CPLX1: variants seen among roughly 807,000 people sequenced by gnomAD.
CPLX1 encodes complexin-1.
A neutral mutation model predicts 15.6 loss-of-function variants in CPLX1; 6 were observed. The ratio of observed to expected loss-of-function variants is 0.39; its 90% CI spans 0.21 to 0.76. The LOEUF (loss-of-function observed/expected upper bound fraction) is 0.76. Ranked by LOEUF, CPLX1 falls within the 30% of genes least tolerant of loss-of-function variation. The probability of loss-of-function intolerance (pLI) is 0.43; values close to 1 mark genes in which losing one functional copy is unlikely to be tolerated. For missense variants in CPLX1, 242 were observed against 188.6 expected (o/e 1.28, Z -1.66); for synonymous variants, 91 against 75.2 (o/e 1.21, Z -1.08).
chr4:812,773 A>G (rs1037742099), intron 2 of CPLX1, among the ~76,000 whole-genome samples: 3 of 151,968 alleles, frequency 2.0e-5, no homozygotes, highest in African/African-American at 7.3e-5. Context: ...GGGTGTCCTA[A>G]CACTGAGCAT....
intron 2 of CPLX1, among the ~76,000 whole-genome samples, chr4:808,082 A>G (rs890543118): frequency 6.6e-6 from 1 of 152,092 alleles, no homozygotes. Context: ...TCTGGGTAAC[A>G]TGGCAAAACC....
intron 2 of CPLX1, among the ~76,000 whole-genome samples, chr4:799,783 A>C (rs541405488): frequency 6.6e-6 from 1 of 152,318 alleles, no homozygotes; most frequent in East Asian, 1.9e-4. Flanking sequence ...GAATTGCTTG[A>C]ACCCAGGAGG....
chr4:807,686 G>A (rs1396610925), intron 2 of CPLX1, among the ~76,000 whole-genome samples: 1 of 152,030 alleles, frequency 6.6e-6, no homozygotes, highest in Non-Finnish European at 1.5e-5. Flanking sequence ...TTTTCACCAT[G>A]TTGGTCAGGC....
Position 786,707 on chromosome 4 carries a change from G to T in CPLX1, c.208-9C>A. 2 of 1,585,498 alleles carry T rather than the reference G, an allele frequency of 1.3e-6. No individual in the cohort carries two copies. Among genetic ancestry groups the T allele is most frequent in the African/African-American group, 1.4e-5 (1 of 73,772 alleles). ...TTCTTCTTGATGCCGTACTGCGGGGGAGGCGGGGGTCAGGGCGGGGGTCCC... is the reference window on the plus strand; with the variant it reads ...TTCTTCTTGATGCCGTACTGCGGGGTAGGCGGGGGTCAGGGCGGGGGTCCC... On this transcript the variant is annotated splice_polypyrimidine_tract_variant and intron_variant, in intron 3 of 3. Transcript: ENST00000304062.
chr4:807,605 G>C (rs1314727639), intron 2 of CPLX1, among the ~76,000 whole-genome samples: 5 of 152,054 alleles, frequency 3.3e-5, no homozygotes, highest in African/African-American at 1.2e-4. Context: ...CTCCCAAGTA[G>C]CTGAGATTAC....
At position 786,357 on chromosome 4, in the gene CPLX1, A is replaced by G. The variant is rs1577465453; in HGVS notation, c.*144T>C. 1.2e-6 allele frequency: 1 copy of G among 838,220 alleles called. No homozygotes were observed. The highest frequency in any genetic ancestry group is 1.7e-6 in the Non-Finnish European group (1 of 598,408). 51.9% of individuals were successfully genotyped at this position (838,220 alleles called of 1,614,324 possible). A position where few individuals can be genotyped will look rare whatever the true frequency, so the allele number is the denominator to read the frequency against. On this transcript the variant is annotated 3_prime_UTR_variant, in exon 4 of 4. Transcript: ENST00000304062. Reference sequence around the variant, plus strand: ...GCGCGCGCCCCTTGCCGGGTGAGGGAGGCGGCGGGCGCGGGCAGGGCGGGC... The same window carrying G: ...GCGCGCGCCCCTTGCCGGGTGAGGGGGGCGGCGGGCGCGGGCAGGGCGGGC...
chr4:824,679 C>T lies in CPLX1; in HGVS notation c.-79-78G>A, dbSNP rs566669822. The stretch of plus-strand genomic sequence containing the variant: ...CTTCCCCAGAGACCATCATTCCTTA[C>T]CCGCAATACCTTGTGGGCTGGACCC... On this transcript the variant is annotated intron_variant, in intron 1 of 3. Transcript: ENST00000304062. The T allele has an allele frequency of 9.1e-5, 73 of 801,850 alleles. No individual in the cohort carries two copies. The African/African-American group carries it at 1.1e-3, about 12-fold the overall frequency. The allele number at this position is 801,850 out of a possible 1,614,324, so 49.7% of individuals were successfully genotyped here. A position where few individuals can be genotyped will look rare whatever the true frequency, so the allele number is the denominator to read the frequency against.
chr4:792,315 A>G, intron 3 of CPLX1, 118 bp downstream of exon 3: 1 of 893,078 alleles, frequency 1.1e-6, no homozygotes, highest in Non-Finnish European at 1.6e-6. Flanking sequence ...CCCAAAGGGT[A>G]GGAGGCCCAG....
chr4:792,438 C>A lies in CPLX1; in HGVS notation c.202G>T (p.Asp68Tyr). 6.3e-7 allele frequency: 1 copy of A among 1,581,844 alleles called. No homozygotes were observed. Among genetic ancestry groups the A allele is most frequent in the South Asian group, 1.1e-5 (1 of 87,864 alleles). The change falls in exon 3 of 4, where the codon GAC becomes TAC. Residue 68 changes from aspartate (D) to tyrosine (Y), a missense_variant. Coordinates refer to ENST00000304062, the MANE Select transcript of CPLX1 (RefSeq NM_006651.4). ...GGGGCCGGCCCGGCGCGCACCTTGT[C>A]TCGGATGCCCTGGCGCACGGCCTCG... is the stretch of plus-strand genomic sequence containing the variant. Reference protein sequence around the residue: ...EREAVRQGIRDKYGIKKKEER... With the variant: ...EREAVRQGIRYKYGIKKKEER...
At chr4:809,595 C>T (rs1044253897) in intron 2 of CPLX1, among the ~76,000 whole-genome samples, 13 of 152,220 alleles carry the variant, frequency 8.5e-5, no homozygotes, top group South Asian at 4.1e-4. Context: ...CAAAGGTAGG[C>T]GTCCTCCGTA....
intron 2 of CPLX1, among the ~76,000 whole-genome samples, chr4:817,090 TCA>T (rs1318543339): frequency 6.6e-6 from 1 of 151,996 alleles, no homozygotes; most frequent in Non-Finnish European, 1.5e-5. Flanking sequence ...AGAGGTTAGA[TCA>T]CATATGTTGG....
In CPLX1 at chr4:785,289, G is replaced by T. The variant is rs7340883; in HGVS notation, c.*1212C>A. The T allele has an allele frequency of 0.15, 22,114 of 151,324 alleles. 1,849 individuals are homozygous for T. Among genetic ancestry groups the T allele is most frequent in the African/African-American group, 0.21 (8,737 of 41,434 alleles). 9.4% of individuals were successfully genotyped at this position (151,324 alleles called of 1,614,324 possible). On this transcript the variant is annotated 3_prime_UTR_variant, in exon 4 of 4. Transcript: ENST00000304062. ...TCGCTGGGGCGCAGAGGGGCGCGGT[G>T]GTCTCTGCCCGGAGGGGCGTCGGTC...
At chr4:809,278 G>A (rs1306261630) in intron 2 of CPLX1, among the ~76,000 whole-genome samples, 3 of 152,260 alleles carry the variant, frequency 2.0e-5, no homozygotes, top group African/African-American at 7.2e-5. Flanking sequence ...ACTCCCCAAG[G>A]CCCCTTCAGC....
chr4:824,412 T>TG, intron 2 of CPLX1, 80 bp downstream of exon 2: 2 of 1,293,114 alleles, frequency 1.5e-6, no homozygotes, highest in South Asian at 1.2e-5. Flanking sequence ...GCTGCTGCGG[T>TG]GGGCCAGATG....
At chr4:819,391 C>G (rs188042490) in intron 2 of CPLX1, among the ~76,000 whole-genome samples, 67 of 152,340 alleles carry the variant, frequency 4.4e-4, no homozygotes, top group African/African-American at 1.6e-3. Flanking sequence ...GTCCTTCCAG[C>G]CTCCCAGAAA....
At chr4:820,160 C>T (rs1746834703) in intron 2 of CPLX1, among the ~76,000 whole-genome samples, 2 of 151,916 alleles carry the variant, frequency 1.3e-5, no homozygotes, top group Admixed American at 6.6e-5. Context: ...CCTCCCGGAC[C>T]CAGCTCAGCC....
At chr4:790,173 G>A (rs899179852) in intron 3 of CPLX1, among the ~76,000 whole-genome samples, 2 of 152,220 alleles carry the variant, frequency 1.3e-5, no homozygotes, top group Non-Finnish European at 2.9e-5. Context: ...GGTCCGGGGG[G>A]ATCCACTTTG....
intron 1 of CPLX1, among the ~76,000 whole-genome samples, chr4:825,157 C>T (rs1746954058): frequency 6.6e-6 from 1 of 152,170 alleles, no homozygotes; most frequent in East Asian, 2.0e-4. Flanking sequence ...CTTCAGGGGG[C>T]TCAGCCTTCA....
At chr4:787,910 C>G (rs893020178) in intron 3 of CPLX1, 1 of 985,266 alleles carries the variant, frequency 1.0e-6, no homozygotes, top group Admixed American at 6.1e-5. Flanking sequence ...GATTGGGGGC[C>G]TGGTGTTGTA....
Sources: allele counts gnomAD v4.1 joint callset (sites outside exome capture counted in the v4.1 genomes callset), GRCh38; gene constraint gnomAD v4.1.1; transcripts MANE v1.5; gene names NCBI Gene and HGNC (gene_info 2026-07-23, HGNC 2026-07-21).